CDH12: variants seen among roughly 807,000 people sequenced by gnomAD.
CDH12 encodes the protein cadherin-12.
A neutral mutation model predicts 74.1 loss-of-function variants in CDH12; 41 were observed. That is an observed-to-expected ratio of 0.55 (90% CI 0.43 to 0.72). CDH12 has a LOEUF of 0.72. Among genes scored for constraint, CDH12 ranks in the 30% least tolerant of loss-of-function variants. CDH12 has a pLI of 0.00. For synonymous variants in CDH12, 399 were observed against 355.0 expected, an observed-to-expected ratio of 1.12 and a Z score of -1.39; for missense variants, 945 against 977.2, an observed-to-expected ratio of 0.97 and a Z score of 0.44.
intron 4 of CDH12, among the ~76,000 whole-genome samples, chr5:22,161,561 C>T (rs1370245602): frequency 1.3e-5 from 2 of 151,826 alleles, no homozygotes; most frequent in Non-Finnish European, 2.9e-5. Context: ...TAATAAATTG[C>T]CAGACATGGT....
intron 6 of CDH12, among the ~76,000 whole-genome samples, chr5:21,870,291 T>A (rs139714184): frequency 1.3e-5 from 2 of 152,152 alleles, no homozygotes; most frequent in Non-Finnish European, 2.9e-5. Flanking sequence ...TCTGTGTGTG[T>A]CTGTGAGGGT....
intron 1 of CDH12, among the ~76,000 whole-genome samples, chr5:22,581,949 G>A (rs536016084): frequency 4.6e-5 from 7 of 152,126 alleles, no homozygotes; most frequent in South Asian, 4.2e-4. Flanking sequence ...TCCTGAACTC[G>A]CCTATCTTTT....
chr5:21,772,289 T>C lies in CDH12; in HGVS notation c.1394-7190A>G, dbSNP rs116416044. 9.2e-3 allele frequency among the ~76,000 whole-genome samples: 1,399 copies of C among 152,258 alleles called. 26 individuals are homozygous for C. The highest frequency in any genetic ancestry group is 0.032 in the African/African-American group (1,331 of 41,550). On this transcript the variant is annotated intron_variant, in intron 11 of 14. Coordinates refer to ENST00000382254, the MANE Select transcript of CDH12 (RefSeq NM_004061.5). ...ATGCTGAGAAAAAAAATCATATTTG[T>C]CATCTGGATTTTCTTCATTATTGGG...
intron 6 of CDH12, among the ~76,000 whole-genome samples, chr5:21,874,257 CAT>C (rs1398164458): frequency 1.3e-5 from 2 of 152,184 alleles, no homozygotes; most frequent in East Asian, 1.9e-4. Flanking sequence ...AGCCAACAAA[CAT>C]ATGAAGGAAG....
chr5:22,577,291 C>A (rs1178968444), intron 1 of CDH12, among the ~76,000 whole-genome samples: 1 of 152,122 alleles, frequency 6.6e-6, no homozygotes, highest in Non-Finnish European at 1.5e-5. Flanking sequence ...AGTTAGCTAC[C>A]ACTGATTTTA....
intron 2 of CDH12, among the ~76,000 whole-genome samples, chr5:22,425,147 G>A (rs1180740675): frequency 2.0e-4 from 20 of 98,132 alleles, no homozygotes; most frequent in African/African-American, 1.0e-3. Flanking sequence ...ATATATATGT[G>A]TGTGTGTATA....
intron 1 of CDH12, among the ~76,000 whole-genome samples, chr5:22,755,080 A>G (rs1427989521): frequency 6.6e-5 from 10 of 152,208 alleles, no homozygotes; most frequent in Non-Finnish European, 1.5e-5. Context: ...TATGGATCTT[A>G]CATAAGGTAT....
At chr5:22,733,319 T>C (rs1192000134) in intron 1 of CDH12, among the ~76,000 whole-genome samples, 1 of 151,906 alleles carries the variant, frequency 6.6e-6, no homozygotes, top group African/African-American at 2.4e-5. Flanking sequence ...TTAGCTTACA[T>C]ACAGTTATAA....
intron 1 of CDH12, among the ~76,000 whole-genome samples, chr5:22,592,902 C>A (rs775599331): frequency 1.3e-5 from 2 of 151,580 alleles, no homozygotes; most frequent in Non-Finnish European, 2.9e-5. Context: ...TGGTGGCATG[C>A]GCCTGTAGTC....
At chr5:22,031,547 T>C (rs1738827266) in intron 5 of CDH12, among the ~76,000 whole-genome samples, 1 of 152,220 alleles carries the variant, frequency 6.6e-6, no homozygotes, top group Admixed American at 6.6e-5. Context: ...AGCCTACCTT[T>C]CAGCCTATCT....
chr5:21,922,968 A>ATATCTATATCTATATC (rs1389755538), intron 6 of CDH12, among the ~76,000 whole-genome samples: 1 of 150,096 alleles, frequency 6.7e-6, no homozygotes, highest in Non-Finnish European at 1.5e-5. Context: ...ATCTATATCT[A>ATATCTATATCTATATC]TATCTATATC....
At chr5:22,575,551 C>T (rs1266399309) in intron 1 of CDH12, among the ~76,000 whole-genome samples, 1 of 151,968 alleles carries the variant, frequency 6.6e-6, no homozygotes, top group African/African-American at 2.4e-5. Context: ...TGTCATCATG[C>T]CTGGCTAGTT....
intron 4 of CDH12, among the ~76,000 whole-genome samples, chr5:22,153,858 GTATATATATATATGTATA>G (rs1747788491): frequency 9.7e-6 from 1 of 103,266 alleles, no homozygotes; most frequent in Admixed American, 1.1e-4. Context: ...ATGTGTGTGT[GTATATATATATATGTATA>G]TATATATATA....
intron 6 of CDH12, among the ~76,000 whole-genome samples, chr5:21,912,698 A>AT (rs1357342807): frequency 6.6e-6 from 1 of 152,196 alleles, no homozygotes; most frequent in African/African-American, 2.4e-5. Context: ...TAAACATGAC[A>AT]TCCCAATTCT....
chr5:22,545,006 G>A (rs750749757), intron 1 of CDH12, among the ~76,000 whole-genome samples: 3 of 152,046 alleles, frequency 2.0e-5, no homozygotes, highest in African/African-American at 2.4e-5. Context: ...ACTCACACAC[G>A]TACACATACA....
chr5:22,306,231 G>A lies in CDH12; in HGVS notation c.-332-93588C>T, dbSNP rs117958713. Among the ~76,000 whole-genome samples, 42 of 152,246 alleles carry A rather than the reference G, an allele frequency of 2.8e-4. No homozygotes were observed. The East Asian group carries it at 7.1e-3, about 26-fold the overall frequency. ...AAAGCAAAAGCCTCAGCACATGGCC[G>A]TTTGTATCTTTATTCATCGGAGTGT... On this transcript the variant is annotated intron_variant, in intron 3 of 14. Transcript: ENST00000382254.
chr5:22,024,246 T>C (rs1738191087), intron 5 of CDH12, among the ~76,000 whole-genome samples: 2 of 152,190 alleles, frequency 1.3e-5, no homozygotes, highest in African/African-American at 4.8e-5. Flanking sequence ...TGTCCCTTTT[T>C]CTTCCAGAAT....
intron 9 of CDH12, among the ~76,000 whole-genome samples, chr5:21,807,991 A>G (rs1747528406): frequency 6.6e-6 from 1 of 152,102 alleles, no homozygotes; most frequent in African/African-American, 2.4e-5. Context: ...TATAAGAAGT[A>G]AATTTGTCAT....
At chr5:22,174,592 T>A (rs989098868) in intron 4 of CDH12, among the ~76,000 whole-genome samples, 1 of 151,962 alleles carries the variant, frequency 6.6e-6, no homozygotes, top group African/African-American at 2.4e-5. Context: ...AATGGAATGA[T>A]TAATATAGAC....
Sources: gnomAD v4.1 joint callset for allele counts (sites outside exome capture counted in the v4.1 genomes callset) on GRCh38, gnomAD v4.1.1 for gene constraint, MANE v1.5 for transcripts, NCBI Gene and HGNC (gene_info 2026-07-23, HGNC 2026-07-21) for gene names.